EFCAB6: variants seen among roughly 807,000 people sequenced by gnomAD.
EFCAB6 encodes the protein EF-hand calcium binding domain 6.
A neutral mutation model predicts 169.8 loss-of-function variants in EFCAB6; 156 were observed. That is an observed-to-expected ratio of 0.92 (90% CI 0.81 to 1.05). The LOEUF (loss-of-function observed/expected upper bound fraction) is 1.05. EFCAB6 is among the 50% of genes least tolerant of loss of function. The pLI is 0.00. For synonymous variants in EFCAB6, 698 were observed against 676.4 expected (o/e 1.03, Z -0.50); for missense variants, 1,800 against 1,829.1 (o/e 0.98, Z 0.29).
intron 10 of EFCAB6, among the ~76,000 whole-genome samples, chr22:43,690,051 CA>C (rs2147172015): frequency 1.3e-5 from 2 of 152,302 alleles, no homozygotes; most frequent in Middle Eastern, 3.4e-3. Context: ...ACTTAGGTTA[CA>C]TATCCACCCA....
intron 2 of EFCAB6, among the ~76,000 whole-genome samples, chr22:43,789,262 A>G (rs1456688704): frequency 6.6e-6 from 1 of 152,160 alleles, no homozygotes; most frequent in Non-Finnish European, 1.5e-5. Flanking sequence ...AAGGATGTGA[A>G]TTTTATGGTA....
Position 43,572,626 on chromosome 22 carries a change from G to T in EFCAB6, c.3420+3671C>A, listed in dbSNP as rs956521072. Among the ~76,000 whole-genome samples the T allele has an allele frequency of 2.0e-5, 3 of 152,162 alleles. No homozygotes were observed. The highest frequency in any genetic ancestry group is 4.4e-5 in the Non-Finnish European group (3 of 68,042). ...TCCTGTGGATGCCATCGCACTAGCA[G>T]TGCCGGCCAGTCCCTTGCCCGATGT... On this transcript the variant is annotated intron_variant, in intron 26 of 31. Coordinates refer to ENST00000262726, the MANE Select transcript of EFCAB6 (RefSeq NM_022785.4). This position sits in a 1 kb window ranked among gnomAD's most constrained non-coding sequence, Gnocchi z 4.0.
At chr22:43,560,540 A>G (rs576147929) in intron 26 of EFCAB6, among the ~76,000 whole-genome samples, 1 of 152,348 alleles carries the variant, frequency 6.6e-6, no homozygotes, top group Admixed American at 6.5e-5. Flanking sequence ...AGGGGCAGCC[A>G]TGCTCTCAGG....
intron 5 of EFCAB6, among the ~76,000 whole-genome samples, chr22:43,762,802 A>G (rs1273103814): frequency 6.6e-6 from 1 of 152,228 alleles, no homozygotes; most frequent in Non-Finnish European, 1.5e-5. Context: ...CCAGTTCTTT[A>G]GCTTTCCCAA....
chr22:43,735,616 C>T (rs1276410508), intron 7 of EFCAB6, among the ~76,000 whole-genome samples: 2 of 152,094 alleles, frequency 1.3e-5, no homozygotes, highest in African/African-American at 4.8e-5. Flanking sequence ...AGCTGCGGGC[C>T]AGAGGACGGA....
rs532951341 is a variant in EFCAB6 at position 43,638,088 on chromosome 22, G to A, written c.1984-2872C>T. 7.2e-4 allele frequency among the ~76,000 whole-genome samples: 109 copies of A among 152,266 alleles called. 1 individual carries two copies. Among genetic ancestry groups the A allele is most frequent in the Non-Finnish European group, 1.2e-3 (80 of 68,026 alleles). ...CAGGGGCACGGAGCACCGGAGCACCGCAGAGAACACAAACGCTGCAAGTGC... is the reference window on the plus strand; with the variant it reads ...CAGGGGCACGGAGCACCGGAGCACCACAGAGAACACAAACGCTGCAAGTGC... On this transcript the variant is annotated intron_variant, in intron 17 of 31. Transcript: ENST00000262726.
chr22:43,797,434 GC>G (rs909917555), intron 2 of EFCAB6: 2 of 152,604 alleles, frequency 1.3e-5, no homozygotes, highest in African/African-American at 4.8e-5. Context: ...CAAGAATGGA[GC>G]CTTTGGGTTT....
rs112696306 is a variant in EFCAB6, at chr22:43,768,302, C to T, written c.352-2909G>A. Among the ~76,000 whole-genome samples the T allele has an allele frequency of 3.7e-3, 567 of 152,344 alleles. 7 individuals are homozygous for T. The highest frequency in any genetic ancestry group is 0.013 in the African/African-American group (534 of 41,570). ...CCCTGACACTCAAACATTCCTGACA[C>T]AGGTCTTCAAATAAAATTGAAGCTA... is the stretch of plus-strand genomic sequence containing the variant. On this transcript the variant is annotated intron_variant, in intron 4 of 31. Transcript: ENST00000262726.
At chr22:43,696,016 G>GAAA (rs1268089824) in intron 10 of EFCAB6, among the ~76,000 whole-genome samples, 1 of 151,992 alleles carries the variant, frequency 6.6e-6, no homozygotes, top group Non-Finnish European at 1.5e-5. Flanking sequence ...CTAAGAAAAT[G>GAAA]AAAGAGCAAG....
intron 22 of EFCAB6, among the ~76,000 whole-genome samples, chr22:43,605,240 G>A (rs572142260): frequency 6.6e-6 from 1 of 152,340 alleles, no homozygotes; most frequent in South Asian, 2.1e-4. Context: ...TGTAGGCCAA[G>A]CTAACTATGG....
chr22:43,724,661 T>A (rs953877396), intron 8 of EFCAB6, among the ~76,000 whole-genome samples: 4 of 152,046 alleles, frequency 2.6e-5, no homozygotes, highest in Non-Finnish European at 5.9e-5. Flanking sequence ...TGAGCCACCG[T>A]GCCCTGCCTA....
intron 22 of EFCAB6, among the ~76,000 whole-genome samples, chr22:43,605,970 C>A (rs1016461272): frequency 1.3e-5 from 2 of 152,080 alleles, no homozygotes; most frequent in African/African-American, 4.8e-5. Context: ...AGGAACTGCA[C>A]GATTGACCTA....
At chr22:43,697,425 C>T (rs966454890) in intron 10 of EFCAB6, among the ~76,000 whole-genome samples, 5 of 152,214 alleles carry the variant, frequency 3.3e-5, no homozygotes, top group African/African-American at 7.2e-5. Context: ...TGTACATACA[C>T]GCACAAAAGA....
At chr22:43,716,745 C>T (rs1164210524) in intron 9 of EFCAB6, 103 bp downstream of exon 9, 9 of 1,413,822 alleles carry the variant, frequency 6.4e-6, no homozygotes, top group Non-Finnish European at 6.5e-6. Context: ...TAGGTAGGAT[C>T]GAAACAAATT....
intron 17 of EFCAB6, among the ~76,000 whole-genome samples, chr22:43,666,374 T>C (rs2057248380): frequency 6.6e-6 from 1 of 152,182 alleles, no homozygotes; most frequent in African/African-American, 2.4e-5. Flanking sequence ...CCCATTCCAA[T>C]GTCCGGCAGT....
chr22:43,803,599 G>C (rs1387028036), intron 2 of EFCAB6, among the ~76,000 whole-genome samples: 1 of 152,038 alleles, frequency 6.6e-6, no homozygotes, highest in Non-Finnish European at 1.5e-5. Context: ...ATGATAAAGG[G>C]ATCAATTCAG....
chr22:43,683,326 T>C (rs2058073995), intron 12 of EFCAB6, among the ~76,000 whole-genome samples: 1 of 152,200 alleles, frequency 6.6e-6, no homozygotes, highest in Non-Finnish European at 1.5e-5. Flanking sequence ...TTAAGTAGGC[T>C]ATTTTGGCAC....
intron 3 of EFCAB6, 33 bp from the exon 4 acceptor site, chr22:43,773,136 G>C: frequency 6.2e-7 from 1 of 1,605,938 alleles, no homozygotes; most frequent in Non-Finnish European, 8.5e-7. Context: ...TATTAAACAT[G>C]TTTAAAGCCA....
intron 4 of EFCAB6, among the ~76,000 whole-genome samples, chr22:43,766,336 C>G (rs753949645): frequency 6.6e-6 from 1 of 151,972 alleles, no homozygotes; most frequent in African/African-American, 2.4e-5. Flanking sequence ...CCTGGCCCCC[C>G]TCAAGTGTTT....
Sources: gnomAD v4.1 joint callset for allele counts (sites outside exome capture counted in the v4.1 genomes callset) on GRCh38, gnomAD v4.1.1 for gene constraint, Gnocchi (gnomAD v3.1) non-coding constraint, MANE v1.5 for transcripts, NCBI Gene and HGNC (gene_info 2026-07-23, HGNC 2026-07-21) for gene names.